Variants in PCDHGB5 observed in about 807,000 individuals in gnomAD.
PCDHGB5 encodes protocadherin gamma subfamily B, 5, also known as protocadherin gamma-B5.
A neutral mutation model predicts 62.9 loss-of-function variants in PCDHGB5; 48 were observed. The observed-to-expected ratio is 0.76, with a 90% CI of 0.61 to 0.97. The LOEUF (loss-of-function observed/expected upper bound fraction) is 0.97, where lower values mean the gene tolerates loss of function less well. Among genes scored for constraint, PCDHGB5 ranks in the 50% least tolerant of loss-of-function variants. PCDHGB5 has a pLI of 0.00. For synonymous variants in PCDHGB5, 474 were observed against 511.2 expected, an observed-to-expected ratio of 0.93 and a Z score of 0.98; for missense variants, 1,118 against 1,198.6, an observed-to-expected ratio of 0.93 and a Z score of 0.99.
intron 1 of PCDHGB5, chr5:141,421,504 C>A (rs757410882): frequency 1.2e-6 from 2 of 1,614,062 alleles, no homozygotes; most frequent in Admixed American, 1.7e-5. Context: ...CAGGATAGAC[C>A]GGGAGGAGCT....
rs2096144450 is a variant in PCDHGB5 at position 141,417,665 on chromosome 5, T to C, written c.2397+17141T>C. On this transcript the variant is annotated intron_variant, in intron 1 of 3. Coordinates refer to ENST00000617380, the MANE Select transcript of PCDHGB5 (RefSeq NM_018925.3). ...CCTCAGCCTCTAGCCTGGGATTCCCTGCGCAGCCAACAACAGAAAAGAAAA... is the reference window on the plus strand; with the variant it reads ...CCTCAGCCTCTAGCCTGGGATTCCCCGCGCAGCCAACAACAGAAAAGAAAA... 3.3e-6 allele frequency: 3 copies of C among 915,730 alleles called. No individual in the cohort carries two copies. In the South Asian group the frequency reaches 5.8e-5, roughly 18 times the overall value. 56.7% of individuals were successfully genotyped at this position (915,730 alleles called of 1,614,324 possible).
chr5:141,403,333 C>G (rs376895778), intron 1 of PCDHGB5: 1 of 1,613,984 alleles, frequency 6.2e-7, no homozygotes, highest in South Asian at 1.1e-5. Context: ...CTGATATTAA[C>G]GACAGCGCCC....
At chr5:141,412,779 C>A (rs966431850) in intron 1 of PCDHGB5, among the ~76,000 whole-genome samples, 6 of 152,168 alleles carry the variant, frequency 3.9e-5, no homozygotes, top group Non-Finnish European at 7.3e-5. Context: ...ACAATATTTT[C>A]ACTCCACTTT....
intron 1 of PCDHGB5, among the ~76,000 whole-genome samples, chr5:141,482,843 G>A (rs1005014887): frequency 7.1e-6 from 1 of 140,154 alleles, no homozygotes; most frequent in Non-Finnish European, 1.5e-5. Flanking sequence ...AGGCCAAGGT[G>A]GGCAGATCAC....
chr5:141,403,229 G>C, intron 1 of PCDHGB5: 1 of 1,613,950 alleles, frequency 6.2e-7, no homozygotes, highest in Non-Finnish European at 8.5e-7. Flanking sequence ...GATAGACCGG[G>C]AGGAGCTCTG....
At chr5:141,414,918 G>A (rs1316323072) in intron 1 of PCDHGB5, 2 of 1,614,180 alleles carry the variant, frequency 1.2e-6, no homozygotes, top group Admixed American at 3.3e-5. Flanking sequence ...GCGTGGAGCT[G>A]GCGCCCCGCT....
chr5:141,490,345 G>GT lies in PCDHGB5; in HGVS notation c.2398-4461dup, dbSNP rs1363310763. The GT allele has an allele frequency of 6.2e-7, 1 of 1,614,216 alleles. No individual in the cohort carries two copies. The highest frequency in any genetic ancestry group is 2.2e-5 in the East Asian group (1 of 44,886). ...AGAGAGCACACCAGTGGGCACAGTAGTGGGGTTGTTTAATGTGCGAGACCG... is the reference window on the plus strand; with the variant it reads ...AGAGAGCACACCAGTGGGCACAGTAGTTGGGGTTGTTTAATGTGCGAGACCG... On this transcript the variant is annotated intron_variant, in intron 1 of 3. Transcript: ENST00000617380. This position sits in a 1 kb window ranked among gnomAD's most constrained non-coding sequence, Gnocchi z 5.4.
In PCDHGB5 at chr5:141,423,069, G is replaced by A. The variant is rs1364397726; in HGVS notation, c.2397+22545G>A. ...CCTATCGCCTGCTTAAGGCCAGCGA[G>A]CCGGGACTCTTCGCGGTGGGGGAGC... On this transcript the variant is annotated intron_variant, in intron 1 of 3. Transcript: ENST00000617380. 8 of 1,614,034 alleles carry A rather than the reference G, an allele frequency of 5.0e-6. No homozygotes were observed. In the African/African-American group the frequency reaches 1.1e-4, roughly 22 times the overall value.
At chr5:141,508,324 G>A (rs1668975090) in intron 3 of PCDHGB5, 1 of 151,252 alleles carries the variant, frequency 6.6e-6, no homozygotes, top group African/African-American at 2.4e-5. Flanking sequence ...GAGGGGCACT[G>A]GAGAACTGAC....
chr5:141,444,710 T>A (rs2098445001), intron 1 of PCDHGB5, among the ~76,000 whole-genome samples: 1 of 152,236 alleles, frequency 6.6e-6, no homozygotes, highest in Admixed American at 6.5e-5. Flanking sequence ...TTCTGTTGAA[T>A]TTGCTTGGTG....
intron 2 of PCDHGB5, among the ~76,000 whole-genome samples, chr5:141,501,290 T>TACACATACAC (rs1224133816): frequency 4.6e-4 from 62 of 136,246 alleles, no homozygotes; most frequent in Admixed American, 7.0e-4. Flanking sequence ...TATTCCCTTA[T>TACACATACAC]ACACACACAC....
In PCDHGB5 at chr5:141,401,291, G is replaced by A. The variant is rs565015907; in HGVS notation, c.2397+767G>A. On this transcript the variant is annotated intron_variant, in intron 1 of 3. Transcript: ENST00000617380. ...TGGCAGGTGGAGGTTGCGGTGAGCC[G>A]AGATCACTCCATTGCATTCCAGCCT... is the stretch of plus-strand genomic sequence containing the variant. Among the ~76,000 whole-genome samples the A allele has an allele frequency of 8.5e-5, 13 of 152,194 alleles. No individual in the cohort carries two copies. The South Asian group carries it at 2.5e-3, about 29-fold the overall frequency.
chr5:141,454,546 A>G (rs1342532359), intron 1 of PCDHGB5, among the ~76,000 whole-genome samples: 1 of 152,098 alleles, frequency 6.6e-6, no homozygotes, highest in African/African-American at 2.4e-5. Flanking sequence ...AGCTGAGATT[A>G]CAGGCATGTG....
chr5:141,450,842 T>TTTTA (rs1387012749), intron 1 of PCDHGB5, among the ~76,000 whole-genome samples: 1 of 148,196 alleles, frequency 6.7e-6, no homozygotes, highest in African/African-American at 2.5e-5. Context: ...TTTTTTTTTT[T>TTTTA]GAGATGGGGT....
Position 141,491,509 on chromosome 5 carries a change from C to T in PCDHGB5, c.2398-3298C>T. 6.2e-7 allele frequency: 1 copy of T among 1,614,058 alleles called. No individual in the cohort carries two copies. Among genetic ancestry groups the T allele is most frequent in the Non-Finnish European group, 8.5e-7 (1 of 1,180,022 alleles). On this transcript the variant is annotated intron_variant, in intron 1 of 3. Coordinates refer to ENST00000617380, the MANE Select transcript of PCDHGB5 (RefSeq NM_018925.3). The surrounding 1 kb of genome is among the most constrained non-coding windows in gnomAD (Gnocchi z 6.9). Reference sequence around the variant, plus strand: ...CCTGCAGGTGAGCTCGGACGGCACGCTCAAGTACATGGAGGTGACGCTGCG... The same window carrying T: ...CCTGCAGGTGAGCTCGGACGGCACGTTCAAGTACATGGAGGTGACGCTGCG...
chr5:141,485,689 G>A lies in PCDHGB5; in HGVS notation c.2398-9118G>A. On this transcript the variant is annotated intron_variant, in intron 1 of 3. Transcript: ENST00000617380. This position sits in a 1 kb window ranked among gnomAD's most constrained non-coding sequence, Gnocchi z 5.7. ...GCAATTCGATTAGCAGCTATAGGCT[G>A]AGCTCCAATGAACACTTTGCACTGG... The A allele has an allele frequency of 6.2e-7, 1 of 1,614,086 alleles. No individual in the cohort carries two copies. The highest frequency in any genetic ancestry group is 8.5e-7 in the Non-Finnish European group (1 of 1,179,970).
intron 1 of PCDHGB5, chr5:141,411,753 A>G (rs1006054735): frequency 6.5e-5 from 10 of 152,756 alleles, no homozygotes; most frequent in African/African-American, 2.4e-4. Context: ...GTGGTGGCAC[A>G]TGCCTGTGGT....
intron 1 of PCDHGB5, chr5:141,418,372 A>G (rs771262387): frequency 3.1e-6 from 5 of 1,613,968 alleles, no homozygotes; most frequent in Non-Finnish European, 3.4e-6. Context: ...GCAAATACCA[A>G]CTAAGTCCTA....
Position 141,432,736 on chromosome 5 carries a change from G to T in PCDHGB5, c.2397+32212G>T. On this transcript the variant is annotated intron_variant, in intron 1 of 3. Transcript: ENST00000617380. The surrounding 1 kb of genome is among the most constrained non-coding windows in gnomAD (Gnocchi z 6.0). ...AGCCCCCTCTCTCCGCCACTGTCACGCTCACCGTGGCCGTGGCCGACAGCA... is the reference window on the plus strand; with the variant it reads ...AGCCCCCTCTCTCCGCCACTGTCACTCTCACCGTGGCCGTGGCCGACAGCA... The T allele has an allele frequency of 6.2e-7, 1 of 1,614,058 alleles. No individual in the cohort carries two copies. The highest frequency in any genetic ancestry group is 8.5e-7 in the Non-Finnish European group (1 of 1,179,980).
Sources: allele counts gnomAD v4.1 joint callset (sites outside exome capture counted in the v4.1 genomes callset), GRCh38; gene constraint gnomAD v4.1.1; non-coding constraint Gnocchi (gnomAD v3.1); transcripts MANE v1.5; gene names NCBI Gene and HGNC (gene_info 2026-07-23, HGNC 2026-07-21).